PCDHGB6: variants seen among roughly 807,000 people sequenced by gnomAD.
The protein encoded by PCDHGB6 is protocadherin gamma subfamily B, 6.
PCDHGB6 carries 51 observed loss-of-function variants against 59.1 expected under a neutral mutation model. That is an observed-to-expected ratio of 0.86 (90% CI 0.69 to 1.09). The LOEUF is 1.09. Among genes scored for constraint, PCDHGB6 ranks in the 50% least tolerant of loss-of-function variants. The pLI is 0.00. For synonymous variants in PCDHGB6, 466 were observed against 495.1 expected, an observed-to-expected ratio of 0.94 and a Z score of 0.78; for missense variants, 1,148 against 1,205.1, an observed-to-expected ratio of 0.95 and a Z score of 0.70.
chr5:141,415,001 C>G (rs1326591845), intron 1 of PCDHGB6: 2 of 1,613,712 alleles, frequency 1.2e-6, no homozygotes, highest in Non-Finnish European at 1.7e-6. Context: ...GCCTGGCTGT[C>G]CTACCGTCTG....
At chr5:141,500,417 G>A in intron 2 of PCDHGB6, among the ~76,000 whole-genome samples, 1 of 151,736 alleles carries the variant, frequency 6.6e-6, no homozygotes, top group East Asian at 2.0e-4. Flanking sequence ...CACCGTGTTA[G>A]CCAGGATGGT....
At chr5:141,436,384 CT>C (rs768914860) in intron 1 of PCDHGB6, among the ~76,000 whole-genome samples, 1 of 152,104 alleles carries the variant, frequency 6.6e-6, no homozygotes, top group Non-Finnish European at 1.5e-5. Context: ...GCTGAATAGG[CT>C]TTATTAAATA....
intron 2 of PCDHGB6, among the ~76,000 whole-genome samples, chr5:141,500,148 G>A (rs936567158): frequency 6.6e-6 from 1 of 150,990 alleles, no homozygotes; most frequent in Non-Finnish European, 1.5e-5. Flanking sequence ...ACTTTTCTTT[G>A]TGTAATCAAA....
At chr5:141,500,411 G>A (rs376320602) in intron 2 of PCDHGB6, among the ~76,000 whole-genome samples, 4 of 151,592 alleles carry the variant, frequency 2.6e-5, no homozygotes, top group East Asian at 2.0e-4. Context: ...GGGTTTCACC[G>A]TGTTAGCCAG....
intron 1 of PCDHGB6, chr5:141,421,455 C>G (rs762490406): frequency 6.2e-6 from 10 of 1,614,108 alleles, no homozygotes; most frequent in South Asian, 1.1e-5. Flanking sequence ...CACAGCTTTT[C>G]GCTGTGAATC....
At chr5:141,427,839 G>A (rs1276507135) in intron 1 of PCDHGB6, 3 of 1,547,192 alleles carry the variant, frequency 1.9e-6, no homozygotes, top group African/African-American at 2.7e-5. Context: ...GCGTGCCTTC[G>A]ACCACGAGCA....
chr5:141,508,270 G>C lies in PCDHGB6; in HGVS notation c.2567-2677G>C, dbSNP rs547745015. On this transcript the variant is annotated intron_variant, in intron 3 of 3. Coordinates refer to ENST00000520790, the MANE Select transcript of PCDHGB6 (RefSeq NM_018926.3). Reference sequence around the variant, plus strand: ...TCTCCTGGGACCAAGAGAAAATCCCGGTCCTTGACCAAGGTGGGCCTTGGG... The same window carrying C: ...TCTCCTGGGACCAAGAGAAAATCCCCGTCCTTGACCAAGGTGGGCCTTGGG... 4 of 152,228 alleles carry C rather than the reference G, an allele frequency of 2.6e-5. No individual in the cohort carries two copies. The East Asian group carries it at 7.7e-4, about 29-fold the overall frequency. 9.4% of individuals were successfully genotyped at this position (152,228 alleles called of 1,614,324 possible). A position where few individuals can be genotyped will look rare whatever the true frequency, so the allele number is the denominator to read the frequency against.
At chr5:141,423,745 C>A (rs561499055) in intron 1 of PCDHGB6, 2 of 605,688 alleles carry the variant, frequency 3.3e-6, no homozygotes, top group Non-Finnish European at 4.0e-6. Context: ...GTTATGAAAA[C>A]TGTTTGGGGG....
intron 1 of PCDHGB6, among the ~76,000 whole-genome samples, chr5:141,424,889 G>A (rs1173725674): frequency 6.6e-6 from 1 of 152,090 alleles, no homozygotes; most frequent in Non-Finnish European, 1.5e-5. Flanking sequence ...ACTTATCTAG[G>A]GTTTTTGATC....
At chr5:141,421,278 G>A (rs764787116) in intron 1 of PCDHGB6, 1 of 1,612,872 alleles carries the variant, frequency 6.2e-7, no homozygotes, top group African/African-American at 1.3e-5. Flanking sequence ...TGCTGCTGCT[G>A]TGCATTTTCC....
intron 1 of PCDHGB6, among the ~76,000 whole-genome samples, chr5:141,456,166 G>A (rs531975607): frequency 6.6e-6 from 1 of 152,148 alleles, no homozygotes; most frequent in African/African-American, 2.4e-5. Flanking sequence ...TAAAGTGCTG[G>A]GATTACAGAA....
Position 141,487,176 on chromosome 5 carries a change from A to G in PCDHGB6, c.2419-7631A>G. On this transcript the variant is annotated intron_variant, in intron 1 of 3. Coordinates refer to ENST00000520790, the MANE Select transcript of PCDHGB6 (RefSeq NM_018926.3). The surrounding 1 kb of genome is among the most constrained non-coding windows in gnomAD (Gnocchi z 5.0). ...ACTCTCTTAGTGTCCTTAGAGGAAGACACTCATCCAGTTGTCCCAGATCTT... is the reference window on the plus strand; with the variant it reads ...ACTCTCTTAGTGTCCTTAGAGGAAGGCACTCATCCAGTTGTCCCAGATCTT... 1 of 1,613,774 alleles carries G rather than the reference A, an allele frequency of 6.2e-7. No homozygotes were observed. The highest frequency in any genetic ancestry group is 8.5e-7 in the Non-Finnish European group (1 of 1,179,664).
Position 141,476,447 on chromosome 5 carries a change from G to A in PCDHGB6, c.2419-18360G>A. 2 of 1,614,130 alleles carry A rather than the reference G, an allele frequency of 1.2e-6. No homozygotes were observed. The highest frequency in any genetic ancestry group is 1.7e-6 in the Non-Finnish European group (2 of 1,180,026). On this transcript the variant is annotated intron_variant, in intron 1 of 3. Transcript: ENST00000520790. This position sits in a 1 kb window ranked among gnomAD's most constrained non-coding sequence, Gnocchi z 7.6. ...CTCTTGCACTGTAACTCTGGAGTTGGTAGTGGAGAACCCGCTGGAGCTGTT... is the reference window on the plus strand; with the variant it reads ...CTCTTGCACTGTAACTCTGGAGTTGATAGTGGAGAACCCGCTGGAGCTGTT...
intron 1 of PCDHGB6, among the ~76,000 whole-genome samples, chr5:141,445,447 A>C (rs974383838): frequency 6.6e-6 from 1 of 152,222 alleles, no homozygotes; most frequent in Non-Finnish European, 1.5e-5. Flanking sequence ...TGGACTAAGG[A>C]TGCAGCAATG....
At chr5:141,465,792 T>A (rs1262092940) in intron 1 of PCDHGB6, among the ~76,000 whole-genome samples, 2 of 152,018 alleles carry the variant, frequency 1.3e-5, no homozygotes, top group Non-Finnish European at 2.9e-5. Flanking sequence ...TTTTTTTTTT[T>A]AAGAAACCCT....
chr5:141,414,067 C>G (rs998058224), intron 1 of PCDHGB6: 1 of 1,607,570 alleles, frequency 6.2e-7, no homozygotes, highest in Non-Finnish European at 8.5e-7. Flanking sequence ...GAAGTTCCAA[C>G]TAAACAAATA....
At chr5:141,470,552 T>G (rs1303190360) in intron 1 of PCDHGB6, among the ~76,000 whole-genome samples, 1 of 151,966 alleles carries the variant, frequency 6.6e-6, no homozygotes, top group East Asian at 1.9e-4. Flanking sequence ...TTATTGAGAG[T>G]TTCCTCTGTG....
At position 141,487,137 on chromosome 5, in the gene PCDHGB6, T is replaced by A. The variant is rs2154580779; in HGVS notation, c.2419-7670T>A. ...GTAAAGGATAGTGGTAGTCCACCAC[T>A]CTCTACCTCTGTTACTCTCTTAGTG... On this transcript the variant is annotated intron_variant, in intron 1 of 3. Coordinates refer to ENST00000520790, the MANE Select transcript of PCDHGB6 (RefSeq NM_018926.3). The surrounding 1 kb of genome is among the most constrained non-coding windows in gnomAD (Gnocchi z 5.0). 1.9e-6 allele frequency: 3 copies of A among 1,614,092 alleles called. No individual in the cohort carries two copies. The East Asian group carries it at 6.7e-5, about 36-fold the overall frequency.
chr5:141,491,322 C>T lies in PCDHGB6; in HGVS notation c.2419-3485C>T. 6.2e-7 allele frequency: 1 copy of T among 1,614,156 alleles called. No individual in the cohort carries two copies. Among genetic ancestry groups the T allele is most frequent in the East Asian group, 2.2e-5 (1 of 44,860 alleles). On this transcript the variant is annotated intron_variant, in intron 1 of 3. Coordinates refer to ENST00000520790, the MANE Select transcript of PCDHGB6 (RefSeq NM_018926.3). This position sits in a 1 kb window ranked among gnomAD's most constrained non-coding sequence, Gnocchi z 6.9. ...AGCGTTCAGACCTTACCCTTTACCT[C>T]ATTGTGGCTCTAGCGACCGTCAGTC...
Sources: allele counts gnomAD v4.1 joint callset (sites outside exome capture counted in the v4.1 genomes callset), GRCh38; gene constraint gnomAD v4.1.1; non-coding constraint Gnocchi (gnomAD v3.1); transcripts MANE v1.5; gene names NCBI Gene and HGNC (gene_info 2026-07-23, HGNC 2026-07-21).